IFT80: variants seen among roughly 807,000 people sequenced by gnomAD.
IFT80 encodes the protein intraflagellar transport protein 80 homolog.
Under a neutral mutation model 107.9 loss-of-function variants are expected in IFT80, and 79 were observed. The ratio of observed to expected loss-of-function variants is 0.73; its 90% confidence interval spans 0.61 to 0.88. IFT80 has a LOEUF of 0.88. Among genes scored for constraint, IFT80 ranks in the 40% least tolerant of loss-of-function variants. The pLI, the probability that IFT80 is intolerant of heterozygous loss-of-function variation, is 0.00. For missense variants in IFT80, 797 were observed against 914.2 expected, an observed-to-expected ratio of 0.87 and a Z score of 1.65; for synonymous variants, 299 against 300.9, an observed-to-expected ratio of 0.99 and a Z score of 0.07.
chr3:160,397,827 T>C (rs536231362), intron 1 of IFT80, among the ~76,000 whole-genome samples: 4 of 150,506 alleles, frequency 2.7e-5, no homozygotes, highest in African/African-American at 9.8e-5. Context: ...GTTCAAGAGA[T>C]TCTCCTGTCT....
chr3:160,261,894 A>G (rs1434140546), intron 19 of IFT80, among the ~76,000 whole-genome samples: 2 of 151,934 alleles, frequency 1.3e-5, no homozygotes, highest in Admixed American at 1.3e-4. Flanking sequence ...AAGTACACGG[A>G]CGGCCCTGGA....
chr3:160,289,047 T>C lies in IFT80; in HGVS notation c.1316-3179A>G, dbSNP rs1464560905. On this transcript the variant is annotated intron_variant, in intron 12 of 19. Coordinates refer to ENST00000326448, the MANE Select transcript of IFT80 (RefSeq NM_020800.3). ...ACACCTATTCACAATGGCAAAGATA[T>C]GGAGTTAACTTAAATGCCCATCAAT... Among the ~76,000 whole-genome samples, 8 of 151,928 alleles carry C rather than the reference T, an allele frequency of 5.3e-5. No individual in the cohort carries two copies. In the East Asian group the frequency reaches 9.6e-4, roughly 18 times the overall value.
chr3:160,280,264 T>C (rs1714583062), intron 15 of IFT80, among the ~76,000 whole-genome samples: 1 of 152,154 alleles, frequency 6.6e-6, no homozygotes, highest in Admixed American at 6.6e-5. Flanking sequence ...AACCAAAAAT[T>C]CAATTCTAGA....
At chr3:160,293,667 T>C (rs570950305) in intron 12 of IFT80, among the ~76,000 whole-genome samples, 40 of 152,144 alleles carry the variant, frequency 2.6e-4, no homozygotes, top group Non-Finnish European at 5.3e-4. Context: ...AGAAGTGCCA[T>C]TATTATCCTA....
intron 8 of IFT80, among the ~76,000 whole-genome samples, chr3:160,334,649 T>G (rs934614525): frequency 6.6e-6 from 1 of 152,130 alleles, no homozygotes; most frequent in African/African-American, 2.4e-5. Flanking sequence ...ACTCCTGACC[T>G]TGTGATCCGC....
At chr3:160,301,816 G>A (rs1415093114) in intron 11 of IFT80, among the ~76,000 whole-genome samples, 2 of 151,866 alleles carry the variant, frequency 1.3e-5, no homozygotes, top group East Asian at 3.8e-4. Context: ...AAGACCTCTT[G>A]AGATCCTACC....
chr3:160,321,437 G>A (rs1718207928), intron 8 of IFT80, among the ~76,000 whole-genome samples: 1 of 151,884 alleles, frequency 6.6e-6, no homozygotes, highest in African/African-American at 2.4e-5. Context: ...AGAAGAAACA[G>A]AGATCTTAGT....
rs185444633 is a variant in IFT80 at position 160,332,040 on chromosome 3, C to T, written c.778-12101G>A. Reference sequence around the variant, plus strand: ...CAGTCTGGATTTTGGCTTCTGCATTCTCATGGTGTTATTTAACATTTCCTC... The same window carrying T: ...CAGTCTGGATTTTGGCTTCTGCATTTTCATGGTGTTATTTAACATTTCCTC... On this transcript the variant is annotated intron_variant, in intron 8 of 19. Transcript: ENST00000326448. Among the ~76,000 whole-genome samples, 843 of 152,200 alleles carry T rather than the reference C, an allele frequency of 5.5e-3. 7 individuals are homozygous for T. The highest frequency in any genetic ancestry group is 0.02 in the African/African-American group (812 of 41,526).
At chr3:160,307,912 TA>T (rs1416936335) in intron 9 of IFT80, 131 bp from the exon 10 acceptor site, 1 of 646,752 alleles carries the variant, frequency 1.5e-6, no homozygotes, top group Non-Finnish European at 2.7e-6. Flanking sequence ...AAAAAGAATT[TA>T]ATAGAAACTA....
At chr3:160,323,660 T>C (rs967704068) in intron 8 of IFT80, among the ~76,000 whole-genome samples, 14 of 151,512 alleles carry the variant, frequency 9.2e-5, no homozygotes, top group East Asian at 1.9e-4. Context: ...GCACTAAATG[T>C]CCACAAGAGA....
chr3:160,265,047 T>A (rs1161576618), intron 19 of IFT80, among the ~76,000 whole-genome samples: 1 of 152,068 alleles, frequency 6.6e-6, no homozygotes, highest in Non-Finnish European at 1.5e-5. Context: ...ACCACGTACA[T>A]CTCCTTCAAG....
chr3:160,350,497 T>C (rs1720605867), intron 8 of IFT80, among the ~76,000 whole-genome samples: 1 of 150,528 alleles, frequency 6.6e-6, no homozygotes, highest in Admixed American at 6.6e-5. Context: ...TATATCTTAG[T>C]GAGTAGAATT....
intron 6 of IFT80, 85 bp downstream of exon 6, chr3:160,365,958 A>G: frequency 3.1e-6 from 3 of 966,442 alleles, no homozygotes; most frequent in Non-Finnish European, 5.1e-6. Flanking sequence ...AAGACCACCC[A>G]GAAGAAAGAG....
chr3:160,264,817 A>T (rs944269443), intron 19 of IFT80, among the ~76,000 whole-genome samples: 3 of 151,692 alleles, frequency 2.0e-5, no homozygotes, highest in African/African-American at 7.3e-5. Context: ...GCCCTATGAA[A>T]CCCTAAAGTC....
intron 2 of IFT80, chr3:160,383,609 C>T: frequency 2.1e-6 from 2 of 941,952 alleles, no homozygotes; most frequent in Non-Finnish European, 2.5e-6. Flanking sequence ...ACAAAAATTT[C>T]TCAGCCCTTA....
chr3:160,340,681 T>C (rs1719827685), intron 8 of IFT80, among the ~76,000 whole-genome samples: 1 of 152,196 alleles, frequency 6.6e-6, no homozygotes, highest in Non-Finnish European at 1.5e-5. Flanking sequence ...AATCTGTCCT[T>C]CTTCATCCAC....
At chr3:160,371,363 C>G (rs991876) in intron 5 of IFT80, among the ~76,000 whole-genome samples, 6,084 of 152,328 alleles carry the variant, frequency 0.04, 159 homozygotes, top group Non-Finnish European at 0.061. Flanking sequence ...TAATCTCCAC[C>G]CTCTGGTCCA....
intron 1 of IFT80, among the ~76,000 whole-genome samples, chr3:160,398,632 C>A (rs924378737): frequency 6.6e-5 from 10 of 152,082 alleles, no homozygotes; most frequent in Admixed American, 5.9e-4. Context: ...CACCTACCAC[C>A]AGATCCACAG....
At chr3:160,312,528 G>A (rs1425196036) in intron 9 of IFT80, among the ~76,000 whole-genome samples, 1 of 126,642 alleles carries the variant, frequency 7.9e-6, no homozygotes, top group Non-Finnish European at 1.6e-5. Flanking sequence ...TTCTGTTTCT[G>A]GTCCACAGAG....
Sources: gnomAD v4.1 joint callset for allele counts (sites outside exome capture counted in the v4.1 genomes callset) on GRCh38, gnomAD v4.1.1 for gene constraint, MANE v1.5 for transcripts, NCBI Gene and HGNC (gene_info 2026-07-23, HGNC 2026-07-21) for gene names.